The following KCNQ1OT1 variants were observed in gnomAD, a reference collection of about 807,000 sequenced individuals.
KCNQ1OT1 encodes the protein KCNQ1 opposite strand/antisense transcript 1.
Position 2,642,554 on chromosome 11 carries a change from C to A in KCNQ1OT1, n.57441G>T, listed in dbSNP as rs1849596213. On this transcript the variant is annotated non_coding_transcript_exon_variant, in exon 1 of 1. Coordinates refer to ENST00000597346, the Ensembl canonical transcript of KCNQ1OT1. This position sits in a 1 kb window ranked among gnomAD's most constrained non-coding sequence, Gnocchi z 4.3. Reference sequence around the variant, plus strand: ...CATTTTTGATTTTATTCATGTAGGTCTTCTCTCTTTTCTTCTTGGATAGTT... The same window carrying A: ...CATTTTTGATTTTATTCATGTAGGTATTCTCTCTTTTCTTCTTGGATAGTT... 2.5e-6 allele frequency: 1 copy of A among 397,224 alleles called. No individual in the cohort carries two copies. Among genetic ancestry groups the A allele is most frequent in the Non-Finnish European group, 4.4e-6 (1 of 225,538 alleles). 24.6% of individuals were successfully genotyped at this position (397,224 alleles called of 1,614,324 possible).
chr11:2,623,619 T>C lies in KCNQ1OT1; in HGVS notation n.76376A>G, dbSNP rs1849211400. 2.5e-6 allele frequency: 1 copy of C among 398,608 alleles called. No homozygotes were observed. Among genetic ancestry groups the C allele is most frequent in the Non-Finnish European group, 4.4e-6 (1 of 226,048 alleles). The allele number at this position is 398,608 out of a possible 1,614,324, so 24.7% of individuals were successfully genotyped here. The stretch of plus-strand genomic sequence containing the variant: ...TTGATAGCTCATTTCTATTTAGTGA[T>C]GAATAATATTTCATTGCCTGGATGT... On this transcript the variant is annotated non_coding_transcript_exon_variant, in exon 1 of 1. Transcript: ENST00000597346. The surrounding 1 kb of genome is among the most constrained non-coding windows in gnomAD (Gnocchi z 5.2).
At chr11:2,640,804 C>G in exon 1 of KCNQ1OT1, 1 of 398,516 alleles carries the variant, frequency 2.5e-6, no homozygotes, top group Non-Finnish European at 4.4e-6. Flanking sequence ...TATTTTTACC[C>G]ACTAACCAAC....
Position 2,613,976 on chromosome 11 carries a change from A to G in KCNQ1OT1, n.86019T>C. On this transcript the variant is annotated non_coding_transcript_exon_variant, in exon 1 of 1. Transcript: ENST00000597346. The surrounding 1 kb of genome is among the most constrained non-coding windows in gnomAD (Gnocchi z 4.8). ...CAACATCTCCTAGAAATCACTCAAC[A>G]TCCATTCACAGAGATCTTTCTCATT... 1.3e-5 allele frequency: 5 copies of G among 398,624 alleles called. No individual in the cohort carries two copies. Among genetic ancestry groups the G allele is most frequent in the Non-Finnish European group, 2.2e-5 (5 of 226,066 alleles). The allele number at this position is 398,624 out of a possible 1,614,324, so 24.7% of individuals were successfully genotyped here.
exon 1 of KCNQ1OT1, chr11:2,616,931 G>T (rs1849074880): frequency 2.5e-6 from 1 of 396,358 alleles, no homozygotes; most frequent in South Asian, 1.3e-4. Context: ...TTTCTTATTG[G>T]GCTTCTGTCT....
At chr11:2,643,404 T>C in exon 1 of KCNQ1OT1, 4 of 398,480 alleles carry the variant, frequency 1.0e-5, no homozygotes, top group Non-Finnish European at 1.8e-5. Flanking sequence ...TCTGTCACTA[T>C]ATAATGACTT....
At position 2,678,021 on chromosome 11, in the gene KCNQ1OT1, T is replaced by TG. The variant is rs1448239368; in HGVS notation, n.21973dup. ...ATCTTTCCAAATGCTTAAAATCATTTGTTTTTCTTTCTTGTGAACTATTTC... is the reference window on the plus strand; with the variant it reads ...ATCTTTCCAAATGCTTAAAATCATTTGGTTTTTCTTTCTTGTGAACTATTTC... On this transcript the variant is annotated non_coding_transcript_exon_variant, in exon 1 of 1. Coordinates refer to ENST00000597346, the Ensembl canonical transcript of KCNQ1OT1. This position sits in a 1 kb window ranked among gnomAD's most constrained non-coding sequence, Gnocchi z 4.9. 3.0e-6 allele frequency: 1 copy of TG among 328,862 alleles called. No homozygotes were observed. The highest frequency in any genetic ancestry group is 5.0e-5 in the African/African-American group (1 of 19,980). The allele number at this position is 328,862 out of a possible 1,614,324, so 20.4% of individuals were successfully genotyped here.
chr11:2,625,619 C>T, exon 1 of KCNQ1OT1: 2 of 394,112 alleles, frequency 5.1e-6, no homozygotes, highest in Admixed American at 9.1e-5. Flanking sequence ...CTCTGTTGCC[C>T]AAGCTGAGTG....
chr11:2,676,350 G>A lies in KCNQ1OT1; in HGVS notation n.23645C>T, dbSNP rs1217457951. 2 of 398,518 alleles carry A rather than the reference G, an allele frequency of 5.0e-6. No homozygotes were observed. Among genetic ancestry groups the A allele is most frequent in the Non-Finnish European group, 4.4e-6 (1 of 226,080 alleles). The allele number at this position is 398,518 out of a possible 1,614,324, so 24.7% of individuals were successfully genotyped here. A position where few individuals can be genotyped will look rare whatever the true frequency, so the allele number is the denominator to read the frequency against. On this transcript the variant is annotated non_coding_transcript_exon_variant, in exon 1 of 1. Transcript: ENST00000597346. This position sits in a 1 kb window ranked among gnomAD's most constrained non-coding sequence, Gnocchi z 4.2. Reference sequence around the variant, plus strand: ...TGTAGTTGAAGTGCTGTTTTCTCATGGTTGGGCTTCCAGTATAATTGGAAG... The same window carrying A: ...TGTAGTTGAAGTGCTGTTTTCTCATAGTTGGGCTTCCAGTATAATTGGAAG...
In KCNQ1OT1 at chr11:2,670,240, C is replaced by T. The variant is rs563290928; in HGVS notation, n.29755G>A. Reference sequence around the variant, plus strand: ...TAGCTCACCTGCCTTTGACCCTGCACATGACGGGCGAGGGAAGAGGACCAT... The same window carrying T: ...TAGCTCACCTGCCTTTGACCCTGCATATGACGGGCGAGGGAAGAGGACCAT... On this transcript the variant is annotated non_coding_transcript_exon_variant, in exon 1 of 1. Transcript: ENST00000597346. The surrounding 1 kb of genome is among the most constrained non-coding windows in gnomAD (Gnocchi z 4.9). The T allele has an allele frequency of 3.3e-4, 131 of 398,528 alleles. 1 individual carries two copies. The East Asian group carries it at 4.4e-3, about 13-fold the overall frequency. The allele number at this position is 398,528 out of a possible 1,614,324, so 24.7% of individuals were successfully genotyped here.
At chr11:2,649,523 C>T (rs1849725585) in exon 1 of KCNQ1OT1, 1 of 398,374 alleles carries the variant, frequency 2.5e-6, no homozygotes, top group South Asian at 1.3e-4. Context: ...AAAATTTCTT[C>T]CCTCATTCTG....
exon 1 of KCNQ1OT1, chr11:2,665,921 G>C: frequency 2.5e-6 from 1 of 398,606 alleles, no homozygotes; most frequent in Non-Finnish European, 4.4e-6. Context: ...AAGCAACCCT[G>C]GGAGGCTGAA....
chr11:2,648,325 G>T, exon 1 of KCNQ1OT1: 2 of 398,420 alleles, frequency 5.0e-6, no homozygotes, highest in Non-Finnish European at 8.8e-6. Context: ...GGTTTGATTT[G>T]TTCTTGCTTT....
Position 2,644,511 on chromosome 11 carries a change from ATCT to A in KCNQ1OT1, n.55481_55483del, listed in dbSNP as rs971280384. 21 of 398,204 alleles carry A rather than the reference ATCT, an allele frequency of 5.3e-5. No homozygotes were observed. The South Asian group carries it at 1.3e-3, about 24-fold the overall frequency. 24.7% of individuals were successfully genotyped at this position (398,204 alleles called of 1,614,324 possible). A position where few individuals can be genotyped will look rare whatever the true frequency, so the allele number is the denominator to read the frequency against. ...CTGATTTCTTTGTATAGTCTATCAG[ATCT>A]TCTTTAATATTATATTGAATTTTTC... On this transcript the variant is annotated non_coding_transcript_exon_variant, in exon 1 of 1. Transcript: ENST00000597346.
Position 2,670,612 on chromosome 11 carries a change from G to A in KCNQ1OT1, n.29383C>T. On this transcript the variant is annotated non_coding_transcript_exon_variant, in exon 1 of 1. Transcript: ENST00000597346. The surrounding 1 kb of genome is among the most constrained non-coding windows in gnomAD (Gnocchi z 4.9). ...GCTCATTCCCAGACACACAATCTCT[G>A]GGGGAGCCTGGATATGCATGGCAGA... is the stretch of plus-strand genomic sequence containing the variant. 1 of 398,428 alleles carries A rather than the reference G, an allele frequency of 2.5e-6. No homozygotes were observed. The highest frequency in any genetic ancestry group is 4.4e-6 in the Non-Finnish European group (1 of 226,054). 24.7% of individuals were successfully genotyped at this position (398,428 alleles called of 1,614,324 possible). A position where few individuals can be genotyped will look rare whatever the true frequency, so the allele number is the denominator to read the frequency against.
In KCNQ1OT1 at chr11:2,676,872, C is replaced by T. The variant is rs1352037377; in HGVS notation, n.23123G>A. The stretch of plus-strand genomic sequence containing the variant: ...GTCAGCTTTGACTGGGGAGCCCTTT[C>T]ATTTCTTAGTAAGTGTTCAGCCCCA... On this transcript the variant is annotated non_coding_transcript_exon_variant, in exon 1 of 1. Coordinates refer to ENST00000597346, the Ensembl canonical transcript of KCNQ1OT1. The surrounding 1 kb of genome is among the most constrained non-coding windows in gnomAD (Gnocchi z 4.2). 3 of 398,496 alleles carry T rather than the reference C, an allele frequency of 7.5e-6. No individual in the cohort carries two copies. The highest frequency in any genetic ancestry group is 1.3e-5 in the Non-Finnish European group (3 of 226,056). 24.7% of individuals were successfully genotyped at this position (398,496 alleles called of 1,614,324 possible). A position where few individuals can be genotyped will look rare whatever the true frequency, so the allele number is the denominator to read the frequency against.
chr11:2,653,623 T>TCCTTAG lies in KCNQ1OT1; in HGVS notation n.46366_46371dup, dbSNP rs1387011799. ...CCATTGGCCCCATGGGATGGCTGTA[T>TCCTTAG]CCTTAGGCAGCTACTTTCTAAAAGG... On this transcript the variant is annotated non_coding_transcript_exon_variant, in exon 1 of 1. Coordinates refer to ENST00000597346, the Ensembl canonical transcript of KCNQ1OT1. This position sits in a 1 kb window ranked among gnomAD's most constrained non-coding sequence, Gnocchi z 5.3. 3 of 398,560 alleles carry TCCTTAG rather than the reference T, an allele frequency of 7.5e-6. No individual in the cohort carries two copies. Among genetic ancestry groups the TCCTTAG allele is most frequent in the Non-Finnish European group, 1.3e-5 (3 of 226,098 alleles). The allele number at this position is 398,560 out of a possible 1,614,324, so 24.7% of individuals were successfully genotyped here. A position where few individuals can be genotyped will look rare whatever the true frequency, so the allele number is the denominator to read the frequency against.
chr11:2,643,303 C>T, exon 1 of KCNQ1OT1: 1 of 398,294 alleles, frequency 2.5e-6, no homozygotes, highest in East Asian at 3.6e-5. Flanking sequence ...CCTTTCCCTT[C>T]AGATTTGATG....
chr11:2,648,023 G>A (rs1488508296), exon 1 of KCNQ1OT1: 1 of 394,616 alleles, frequency 2.5e-6, no homozygotes, highest in Non-Finnish European at 4.4e-6. Flanking sequence ...AGACCAGCCT[G>A]AGCAACATGG....
exon 1 of KCNQ1OT1, chr11:2,615,486 A>G: frequency 2.5e-6 from 1 of 398,030 alleles, no homozygotes; most frequent in Non-Finnish European, 4.4e-6. Flanking sequence ...ACTCTTTGTT[A>G]TGGGAGAAAT....
Sources: gnomAD v4.1 joint callset for allele counts on GRCh38, gnomAD v4.1.1 for gene constraint, Gnocchi (gnomAD v3.1) non-coding constraint, MANE v1.5 for transcripts, NCBI Gene and HGNC (gene_info 2026-07-23, HGNC 2026-07-21) for gene names.